The following NEB variants were observed in gnomAD, a reference collection of about 807,000 sequenced individuals.
The protein encoded by NEB is nebulin.
NEB carries 512 observed loss-of-function variants against 952.2 expected under a neutral mutation model. That is an observed-to-expected ratio of 0.54 (90% CI 0.50 to 0.58). The LOEUF (loss-of-function observed/expected upper bound fraction) is 0.58, where lower values mean the gene tolerates loss of function less well. Ranked by LOEUF, NEB falls within the 20% of genes least tolerant of loss-of-function variation. The pLI, the probability that NEB is intolerant of heterozygous loss-of-function variation, is 0.00. For missense variants in NEB, 8,428 were observed against 9,231.1 expected (o/e 0.91, Z 3.56); for synonymous variants, 2,900 against 3,149.8 (o/e 0.92, Z 2.66).
chr2:151,666,469 A>C, intron 40 of NEB, 68 bp from the exon 41 acceptor site: 1 of 1,466,078 alleles, frequency 6.8e-7, no homozygotes, highest in East Asian at 2.3e-5. Context: ...GAATTTATAC[A>C]ACAAATTAAG....
At chr2:151,520,734 C>T (rs955763761) in intron 153 of NEB, among the ~76,000 whole-genome samples, 1 of 151,768 alleles carries the variant, frequency 6.6e-6, no homozygotes, top group African/African-American at 2.4e-5. Flanking sequence ...CATTGTGGTG[C>T]ACCCCTGTAG....
chr2:151,650,660 AGTCCAC>A lies in NEB; in HGVS notation c.7135_7140del (p.Val2379_Asp2380del), dbSNP rs1326831435. The A allele has an allele frequency of 1.7e-5, 27 of 1,613,572 alleles. No individual in the cohort carries two copies. Among genetic ancestry groups the A allele is most frequent in the Non-Finnish European group, 2.3e-5 (27 of 1,179,714 alleles). ...GTCCACTGATGCAGGTAGTTCTTGT[AGTCCAC>A]GTCACTAACCAACTCCTGACACTTC... On this transcript the variant is annotated inframe_deletion, in exon 53 of 182. Transcript: ENST00000397345.
chr2:151,698,781 G>A (rs1257578373), intron 13 of NEB, among the ~76,000 whole-genome samples: 2 of 151,640 alleles, frequency 1.3e-5, no homozygotes, highest in African/African-American at 4.9e-5. Context: ...GGGACTACAG[G>A]TGCCTGCCAC....
rs1306359674 is a variant in NEB, at chr2:151,633,783, C to T, written c.9285G>A (p.Val3095=). Reference sequence around the variant, plus strand: ...AGGTCTGGCACTTCTTGGCCAGCACCACCCCCAGCATGTCCACTGGGCTGC... The same window carrying T: ...AGGTCTGGCACTTCTTGGCCAGCACTACCCCCAGCATGTCCACTGGGCTGC... ...KFSSPVDMLG[V]VLAKKCQTLV... is the part of the protein sequence containing the mutation. The change falls in exon 65 of 182, where the codon GTG becomes GTA. Residue 3095 remains valine (V), a synonymous_variant. Transcript: ENST00000397345. 8.7e-6 allele frequency: 14 copies of T among 1,613,824 alleles called. No individual in the cohort carries two copies. Among genetic ancestry groups the T allele is most frequent in the African/African-American group, 2.7e-5 (2 of 74,916 alleles).
chr2:151,497,119 G>A (rs899092775), intron 171 of NEB, 86 bp from the exon 172 acceptor site: 43 of 1,455,390 alleles, frequency 3.0e-5, no homozygotes, highest in Middle Eastern at 1.7e-4. Context: ...CAGCTTCCTT[G>A]TTAAGACAAA....
At chr2:151,716,513 T>A (rs1050058207) in intron 10 of NEB, among the ~76,000 whole-genome samples, 1 of 152,210 alleles carries the variant, frequency 6.6e-6, no homozygotes, top group Non-Finnish European at 1.5e-5. Flanking sequence ...GGGCAAAATT[T>A]CAGATTGATA....
Position 151,733,145 on chromosome 2 carries a change from G to C in NEB, c.12C>G (p.Asp4Glu), listed in dbSNP as rs117178114. MADDEDYEEVVEYY... is the reference protein window; with the variant it reads MADEEDYEEVVEYY... ...CCTCCACCACCTCCTCATAGTCTTC[G>C]TCATCTGCCATTTTTCCAGAGTAGT... The change falls in exon 3 of 182, where the codon GAC becomes GAG. Residue 4 changes from aspartate to glutamate, a missense_variant. Physicochemically the swap from Asp to Glu is conservative, Grantham distance 45. This residue lies in a region of NEB where 2,851 missense variants were observed against 2,791.5 expected (regional missense o/e 1.02). Transcript: ENST00000397345. 1.9e-6 allele frequency: 3 copies of C among 1,603,778 alleles called. No homozygotes were observed. Among genetic ancestry groups the C allele is most frequent in the Non-Finnish European group, 2.6e-6 (3 of 1,175,806 alleles).
chr2:151,673,139 A>G (rs1021546328), intron 36 of NEB, among the ~76,000 whole-genome samples: 1 of 152,202 alleles, frequency 6.6e-6, no homozygotes, highest in Non-Finnish European at 1.5e-5. Flanking sequence ...AAACAGCTGC[A>G]AATAAATTAA....
At chr2:151,733,882 C>A (rs894367268) in intron 1 of NEB, 87 bp from the exon 2 acceptor site, 1 of 152,134 alleles carries the variant, frequency 6.6e-6, no homozygotes, top group Admixed American at 6.5e-5. Context: ...CAGAAAACAG[C>A]GAAAGGATCT....
chr2:151,561,695 C>T (rs952979675), intron 121 of NEB, among the ~76,000 whole-genome samples: 6 of 151,640 alleles, frequency 4.0e-5, no homozygotes, highest in African/African-American at 1.5e-4. Flanking sequence ...TTTTAACATT[C>T]CATTACAACT....
intron 81 of NEB, 45 bp downstream of exon 81, chr2:151,609,764 T>C: frequency 7.8e-6 from 12 of 1,529,032 alleles, no homozygotes; most frequent in African/African-American, 1.4e-5. Flanking sequence ...AATGAACAAA[T>C]CTACATCTTC....
intron 169 of NEB, 75 bp downstream of exon 169, chr2:151,499,223 G>C (rs1034050803): frequency 3.8e-6 from 3 of 799,236 alleles, no homozygotes; most frequent in East Asian, 2.9e-5. Context: ...GAGTTGATTA[G>C]ATTTTTAAAA....
intron 72 of NEB, 144 bp downstream of exon 72, chr2:151,620,775 G>T: frequency 1.7e-6 from 1 of 585,940 alleles, no homozygotes; most frequent in Non-Finnish European, 3.0e-6. Flanking sequence ...TGTGATCTTG[G>T]GCAAGTTATC....
intron 168 of NEB, 22 bp from the exon 169 acceptor site, chr2:151,499,412 C>A (rs897084741): frequency 7.1e-7 from 1 of 1,402,466 alleles, no homozygotes; most frequent in Non-Finnish European, 9.9e-7. Context: ...AAGAAAGCAT[C>A]CAGAAAAAAC....
intron 76 of NEB, among the ~76,000 whole-genome samples, chr2:151,615,214 C>T (rs932148068): frequency 5.3e-5 from 8 of 152,270 alleles, no homozygotes; most frequent in East Asian, 1.9e-4. Context: ...TTTGATAATA[C>T]GGTGTGTGTC....
At chr2:151,668,296 T>C (rs1341170004) in intron 39 of NEB, among the ~76,000 whole-genome samples, 3 of 152,158 alleles carry the variant, frequency 2.0e-5, no homozygotes, top group African/African-American at 7.2e-5. Flanking sequence ...TTCAAGCTTA[T>C]AGGAAGATAT....
intron 167 of NEB, 60 bp from the exon 168 acceptor site, chr2:151,501,543 A>ATTC (rs1468359762): frequency 1.7e-5 from 15 of 882,374 alleles, no homozygotes; most frequent in Non-Finnish European, 2.4e-5. Flanking sequence ...AGGTAGACTT[A>ATTC]ACCTAAAAAA....
rs760892006 is a variant in NEB, at chr2:151,568,736, T to G, written c.17536-20A>C. Reference sequence around the variant, plus strand: ...TTTTTTCTATGGGAAAGAAAGCATCTTTTAGATAGTTGTAATTCCTAGACA... The same window carrying G: ...TTTTTTCTATGGGAAAGAAAGCATCGTTTAGATAGTTGTAATTCCTAGACA... On this transcript the variant is annotated intron_variant, in intron 110 of 181. Transcript: ENST00000397345. The G allele has an allele frequency of 1.3e-6, 2 of 1,508,724 alleles. No homozygotes were observed. Among genetic ancestry groups the G allele is most frequent in the South Asian group, 2.4e-5 (2 of 83,736 alleles). The allele number at this position is 1,508,724 out of a possible 1,614,324, so 93.5% of individuals were successfully genotyped here. A position where few individuals can be genotyped will look rare whatever the true frequency, so the allele number is the denominator to read the frequency against.
intron 55 of NEB, among the ~76,000 whole-genome samples, chr2:151,645,777 G>A (rs529190897): frequency 6.6e-6 from 1 of 152,234 alleles, no homozygotes; most frequent in East Asian, 1.9e-4. Flanking sequence ...TTCATTGAGT[G>A]TCTACTATGT....
Sources: gnomAD v4.1 joint callset for allele counts (sites outside exome capture counted in the v4.1 genomes callset) on GRCh38, gnomAD v4.1.1 for gene constraint, gnomAD v4.1.1 regional missense constraint, MANE v1.5 for transcripts, NCBI Gene and HGNC (gene_info 2026-07-23, HGNC 2026-07-21) for gene names.